SMC1B: variants seen among roughly 807,000 people sequenced by gnomAD.
The protein encoded by SMC1B is structural maintenance of chromosomes 1B.
Under a neutral mutation model 157.9 loss-of-function variants are expected in SMC1B, and 60 were observed. That is an observed-to-expected ratio of 0.38 (90% CI 0.31 to 0.47). The LOEUF is 0.47. SMC1B is among the 20% of genes least tolerant of loss of function. The pLI is 0.99. For missense variants in SMC1B, 1,165 were observed against 1,426.2 expected (o/e 0.82, Z 2.95); for synonymous variants, 445 against 483.0 (o/e 0.92, Z 1.03).
intron 24 of SMC1B, 122 bp from the exon 25 acceptor site, chr22:45,344,779 T>C (rs1160949754): frequency 1.3e-5 from 8 of 597,682 alleles, no homozygotes; most frequent in East Asian, 5.8e-5. Flanking sequence ...TAGTAAGATA[T>C]CTGCATTTAT....
At chr22:45,407,243 A>G (rs759279582) in intron 2 of SMC1B, among the ~76,000 whole-genome samples, 2 of 152,200 alleles carry the variant, frequency 1.3e-5, no homozygotes, top group Non-Finnish European at 2.9e-5. Flanking sequence ...TTGAAAAACA[A>G]CAACAGCAAC....
chr22:45,363,501 T>C (rs968767678), intron 15 of SMC1B, among the ~76,000 whole-genome samples: 44 of 152,056 alleles, frequency 2.9e-4, no homozygotes, highest in African/African-American at 9.9e-4. Flanking sequence ...GCCAACATGG[T>C]GAAACCCCAC....
intron 4 of SMC1B, among the ~76,000 whole-genome samples, chr22:45,405,679 G>T (rs1434436875): frequency 1.3e-5 from 2 of 152,126 alleles, no homozygotes; most frequent in African/African-American, 4.8e-5. Flanking sequence ...ATTTTGAAGG[G>T]GCCCAAGAAA....
In SMC1B at chr22:45,393,681, T is replaced by C. The variant is rs774752708; in HGVS notation, c.1498A>G (p.Arg500Gly). 1.9e-6 allele frequency: 3 copies of C among 1,614,036 alleles called. No homozygotes were observed. The highest frequency in any genetic ancestry group is 1.6e-4 in the Middle Eastern group (1 of 6,084). The change falls in exon 9 of 25, where the codon AGA becomes GGA. Residue 500 changes from arginine to glycine, a missense_variant. By Grantham distance (125) the Arg-to-Gly change is moderately radical. Transcript: ENST00000357450. ...DTHEGKRQQK[R>G]AEVLEHLKRL... ...TTAAGGTGTTCCAGAACCTCTGCTCTCTTTTGCTGACGTTTTCCCTCATGG... is the reference window on the plus strand; with the variant it reads ...TTAAGGTGTTCCAGAACCTCTGCTCCCTTTTGCTGACGTTTTCCCTCATGG...
chr22:45,369,459 T>C (rs1223864371), intron 15 of SMC1B, among the ~76,000 whole-genome samples: 1 of 152,112 alleles, frequency 6.6e-6, no homozygotes, highest in Non-Finnish European at 1.5e-5. Context: ...TTATTTTGTG[T>C]ATTTATGCTT....
chr22:45,371,341 A>G, intron 14 of SMC1B, 130 bp downstream of exon 14: 2 of 1,322,720 alleles, frequency 1.5e-6, no homozygotes, highest in South Asian at 1.9e-5. Flanking sequence ...CTTAGCTTAC[A>G]ACATTGTTGT....
intron 4 of SMC1B, among the ~76,000 whole-genome samples, chr22:45,405,493 A>T (rs956402599): frequency 6.6e-6 from 1 of 152,004 alleles, no homozygotes; most frequent in Non-Finnish European, 1.5e-5. Flanking sequence ...CGGAGCTTGC[A>T]GTGAGCCAAG....
chr22:45,406,869 A>G lies in SMC1B; in HGVS notation c.299-4T>C. On this transcript the variant is annotated splice_region_variant and splice_polypyrimidine_tract_variant and intron_variant, in intron 2 of 24. Transcript: ENST00000357450. ...AAGCGAAATTCTGAGCATCCCCCTA[A>G]AATAAAAAAATAAACCCTGTTAAAA... 1 of 1,542,306 alleles carries G rather than the reference A, an allele frequency of 6.5e-7. No individual in the cohort carries two copies. Among genetic ancestry groups the G allele is most frequent in the Non-Finnish European group, 8.7e-7 (1 of 1,150,826 alleles).
Position 45,399,281 on chromosome 22 carries a change from A to G in SMC1B, c.927T>C (p.Leu309=), listed in dbSNP as rs1441002797. 11 of 1,613,656 alleles carry G rather than the reference A, an allele frequency of 6.8e-6. No individual in the cohort carries two copies. Among genetic ancestry groups the G allele is most frequent in the Non-Finnish European group, 8.5e-6 (10 of 1,179,740 alleles). ...IKAKENTSHH[L]KKLDVAKKSI... Reference sequence around the variant, plus strand: ...ATTTCTTAGCCACATCTAATTTCTTAAGGTGGTGAGAAGTGTTTTCTTTGG... The same window carrying G: ...ATTTCTTAGCCACATCTAATTTCTTGAGGTGGTGAGAAGTGTTTTCTTTGG... The change falls in exon 6 of 25, where the codon CTT becomes CTC. Residue 309 remains leucine (L), a synonymous_variant. Transcript: ENST00000357450.
At chr22:45,374,875 C>T (rs987993346) in intron 12 of SMC1B, among the ~76,000 whole-genome samples, 20 of 152,100 alleles carry the variant, frequency 1.3e-4, no homozygotes, top group Non-Finnish European at 4.4e-5. Flanking sequence ...ATGAGAAAAT[C>T]AGCTTTCCTA....
intron 17 of SMC1B, 81 bp downstream of exon 17, chr22:45,361,758 C>A: frequency 7.5e-7 from 1 of 1,341,782 alleles, no homozygotes; most frequent in Admixed American, 2.0e-5. Flanking sequence ...TCAAATGCAA[C>A]TCATTTCATA....
chr22:45,355,240 G>A, intron 19 of SMC1B, 125 bp from the exon 20 acceptor site: 1 of 896,436 alleles, frequency 1.1e-6, no homozygotes, highest in South Asian at 1.7e-5. Context: ...TCTCCCCAAA[G>A]CCCTCTCTGA....
In SMC1B at chr22:45,355,750, C is replaced by CT. The variant is rs1046462024; in HGVS notation, c.2962-636dup. ...AAAAAGTGCCACGCCCTTCCAGAAG[C>CT]TTTTTTTGCCACAAATACAATCAGA... On this transcript the variant is annotated intron_variant, in intron 19 of 24. Coordinates refer to ENST00000357450, the MANE Select transcript of SMC1B (RefSeq NM_148674.5). Among the ~76,000 whole-genome samples, 43 of 152,100 alleles carry CT rather than the reference C, an allele frequency of 2.8e-4. No individual in the cohort carries two copies. In the East Asian group the frequency reaches 2.9e-3, roughly 10 times the overall value.
chr22:45,399,308 T>A lies in SMC1B; in HGVS notation c.900A>T (p.Lys300Asn). 1 of 1,613,984 alleles carries A rather than the reference T, an allele frequency of 6.2e-7. No homozygotes were observed. The change falls in exon 6 of 25, where the codon AAA (lysine) becomes AAT (asparagine). Residue 300 changes from lysine (K) to asparagine (N), a missense_variant. Transcript: ENST00000357450. ...LLNQKRPQYI[K>N]AKENTSHHLK... ...GGTGGTGAGAAGTGTTTTCTTTGGC[T>A]TTAATGTACTGAGGCCTCTTCTGAT...
rs776881228 is a variant in SMC1B, at chr22:45,408,660, TCTTA to T, written c.298+46_298+49del. The T allele has an allele frequency of 1.8e-4, 234 of 1,336,550 alleles. No individual in the cohort carries two copies. In the Middle Eastern group the frequency reaches 3.2e-3, roughly 18 times the overall value. 82.8% of individuals were successfully genotyped at this position (1,336,550 alleles called of 1,614,324 possible). ...CTCCAAAGAAAGAAAAAATGGGCAA[TCTTA>T]CTTGACTCTTGAAAAATAAAATGAA... On this transcript the variant is annotated intron_variant, in intron 2 of 24. Coordinates refer to ENST00000357450, the MANE Select transcript of SMC1B (RefSeq NM_148674.5).
intron 12 of SMC1B, among the ~76,000 whole-genome samples, chr22:45,381,626 C>A (rs942411963): frequency 1.8e-4 from 28 of 152,184 alleles, no homozygotes; most frequent in Non-Finnish European, 3.7e-4. Context: ...TCCCTCAGAA[C>A]CCAAGACATC....
chr22:45,392,794 G>A (rs556956802), intron 9 of SMC1B, among the ~76,000 whole-genome samples: 2 of 152,126 alleles, frequency 1.3e-5, no homozygotes, highest in East Asian at 1.9e-4. Context: ...TCTGCCTCCC[G>A]GGTTCAAGCG....
At chr22:45,354,886 G>T in intron 20 of SMC1B, 73 bp downstream of exon 20, 1 of 1,423,684 alleles carries the variant, frequency 7.0e-7, no homozygotes, top group Non-Finnish European at 9.8e-7. Flanking sequence ...ACAGAGGGGA[G>T]ATTGTTGGCA....
chr22:45,359,347 C>G (rs1003108605), intron 18 of SMC1B, among the ~76,000 whole-genome samples: 7 of 152,248 alleles, frequency 4.6e-5, no homozygotes, highest in Non-Finnish European at 8.8e-5. Context: ...GTTAGTGAGC[C>G]TTGGTTTTAT....
Sources: gnomAD v4.1 joint callset for allele counts (sites outside exome capture counted in the v4.1 genomes callset) on GRCh38, gnomAD v4.1.1 for gene constraint, MANE v1.5 for transcripts, NCBI Gene and HGNC (gene_info 2026-07-23, HGNC 2026-07-21) for gene names.